CLSTN3: variants seen among roughly 807,000 people sequenced by gnomAD.
CLSTN3 encodes the protein calsyntenin-3.
CLSTN3 carries 36 observed loss-of-function variants against 95.9 expected under a neutral mutation model. The observed-to-expected ratio is 0.38, with a 90% CI of 0.29 to 0.50. The LOEUF (loss-of-function observed/expected upper bound fraction) is 0.50. Among genes scored for constraint, CLSTN3 ranks in the 20% least tolerant of loss-of-function variants. CLSTN3 has a pLI of 0.95. For missense variants in CLSTN3, 1,084 were observed against 1,268.8 expected (o/e 0.85, Z 2.21); for synonymous variants, 481 against 504.0 (o/e 0.95, Z 0.61).
At chr12:7,153,635 A>T (rs917804856) in intron 16 of CLSTN3, among the ~76,000 whole-genome samples, 4 of 152,024 alleles carry the variant, frequency 2.6e-5, no homozygotes, top group African/African-American at 7.2e-5. Context: ...CCAGCTATAA[A>T]TTTTTTTCCT....
rs756157048 is a variant in CLSTN3, at chr12:7,142,882, G to T, written c.1554G>T (p.Ser518=). 1 of 1,613,386 alleles carries T rather than the reference G, an allele frequency of 6.2e-7. No individual in the cohort carries two copies. Among genetic ancestry groups the T allele is most frequent in the Admixed American group, 1.7e-5 (1 of 59,956 alleles). ...STDTTQGDPL[S]IHHYFHGYLA... ...TTCCTACCCTAGGAGACCCTTTGTCGATCCACCACTACTTCCATGGCTACC... is the reference window on the plus strand; with the variant it reads ...TTCCTACCCTAGGAGACCCTTTGTCTATCCACCACTACTTCCATGGCTACC... The change falls in exon 11 of 18, where the codon TCG becomes TCT. Residue 518 remains serine, a synonymous_variant. Transcript: ENST00000266546.
chr12:7,136,979 G>A lies in CLSTN3; in HGVS notation c.1079G>A (p.Ser360Asn), dbSNP rs768382086. The change falls in exon 7 of 18, where the codon AGT becomes AAT. Residue 360 changes from serine (S) to asparagine (N), a missense_variant. By Grantham distance (46) the Ser-to-Asn change is conservative. Transcript: ENST00000266546. ...QAVQVPLGGP[S>N]GLGSGPQDSL... ...GTGCAGGTGCCCCTGGGTGGCCCCA[G>A]TGGGCTGGGCTCTGGGCCCCAGGAC... The A allele has an allele frequency of 6.2e-7, 1 of 1,614,076 alleles. No individual in the cohort carries two copies. The highest frequency in any genetic ancestry group is 2.2e-5 in the East Asian group (1 of 44,880).
chr12:7,139,744 G>T (rs1221523036), intron 8 of CLSTN3, among the ~76,000 whole-genome samples: 3 of 151,968 alleles, frequency 2.0e-5, no homozygotes, highest in Non-Finnish European at 4.4e-5. Flanking sequence ...GGCCTCCCGG[G>T]TTCAAGAGAT....
intron 8 of CLSTN3, among the ~76,000 whole-genome samples, chr12:7,140,830 C>T (rs1033675751): frequency 1.4e-4 from 22 of 152,124 alleles, no homozygotes; most frequent in Admixed American, 1.4e-3. Context: ...TTGCTTGAGC[C>T]GAGGGGTTTG....
rs764718194 is a variant in CLSTN3 at position 7,135,398 on chromosome 12, C to T, written c.455C>T (p.Ala152Val). 102 of 1,614,006 alleles carry T rather than the reference C, an allele frequency of 6.3e-5. No individual in the cohort carries two copies. In the Admixed American group the frequency reaches 6.7e-4, roughly 11 times the overall value. Residue 152 changes from alanine (A) to valine (V), a missense_variant, in exon 4 of 18, where the codon GCG becomes GTG. Transcript: ENST00000266546. ...GTGTTTGTGGAACGGCTGTATCGTG[C>T]GGCTGTGACAGAGGGGAAGCTGTAC... ...APVFVERLYR[A>V]AVTEGKLYDR...
intron 1 of CLSTN3, chr12:7,131,839 G>C (rs766795947): frequency 1.3e-5 from 6 of 456,450 alleles, no homozygotes; most frequent in South Asian, 9.3e-5. Context: ...GTGGTCATCA[G>C]TAAGAAAGCC....
At chr12:7,130,307 C>G (rs1451691260), upstream of CLSTN3, 3 of 912,798 alleles carry the variant, frequency 3.3e-6, no homozygotes, top group Non-Finnish European at 4.3e-6. Flanking sequence ...ACCTGGTCCC[C>G]CCCCCTCCCA....
At chr12:7,136,721 G>A (rs887573197) in intron 6 of CLSTN3, 108 bp from the exon 7 acceptor site, 36 of 1,272,252 alleles carry the variant, frequency 2.8e-5, no homozygotes, top group Admixed American at 1.2e-4. Flanking sequence ...GTGGCAAGAC[G>A]TGCTGTAGGA....
chr12:7,132,430 C>T, intron 1 of CLSTN3: 1 of 206,964 alleles, frequency 4.8e-6, no homozygotes, highest in South Asian at 8.0e-5. Context: ...TGCCCCCTCC[C>T]TCTGTCCTAT....
At chr12:7,136,088 G>T in intron 5 of CLSTN3, 118 bp from the exon 6 acceptor site, 1 of 1,496,186 alleles carries the variant, frequency 6.7e-7, no homozygotes, top group Non-Finnish European at 9.0e-7. Context: ...ATCTACTCTA[G>T]CCGGGCCATC....
Position 7,157,881 on chromosome 12 carries a change from A to G in CLSTN3, c.2731-60A>G. On this transcript the variant is annotated intron_variant, in intron 17 of 17. Transcript: ENST00000266546. This position sits in a 1 kb window ranked among gnomAD's most constrained non-coding sequence, Gnocchi z 5.9. Reference sequence around the variant, plus strand: ...GACCGAGGGAAGTGTGGTCCCTGAAAGAGAGGCTGGGATGTGTGCAGGCCA... The same window carrying G: ...GACCGAGGGAAGTGTGGTCCCTGAAGGAGAGGCTGGGATGTGTGCAGGCCA... 1.9e-6 allele frequency: 3 copies of G among 1,542,308 alleles called. No homozygotes were observed. The highest frequency in any genetic ancestry group is 2.6e-6 in the Non-Finnish European group (3 of 1,145,380).
rs1037282399 is a variant in CLSTN3, at chr12:7,133,179, A to G, written c.187+33A>G. The stretch of plus-strand genomic sequence containing the variant: ...GGATTGGGGGATGGCAAGGCAGGGT[A>G]GGACAGAGAAAAGTGGGTGGGAGGG... On this transcript the variant is annotated intron_variant, in intron 2 of 17. Coordinates refer to ENST00000266546, the MANE Select transcript of CLSTN3 (RefSeq NM_014718.4). This position sits in a 1 kb window ranked among gnomAD's most constrained non-coding sequence, Gnocchi z 4.7. 2 of 1,385,608 alleles carry G rather than the reference A, an allele frequency of 1.4e-6. No homozygotes were observed. Among genetic ancestry groups the G allele is most frequent in the Non-Finnish European group, 1.9e-6 (2 of 1,028,896 alleles). The allele number at this position is 1,385,608 out of a possible 1,614,324, so 85.8% of individuals were successfully genotyped here.
rs1490672086 is a variant in CLSTN3, at chr12:7,151,092, G to C, written c.2527+29G>C. 5 of 1,535,454 alleles carry C rather than the reference G, an allele frequency of 3.3e-6. No individual in the cohort carries two copies. The Admixed American group carries it at 1.0e-4, about 31-fold the overall frequency. On this transcript the variant is annotated intron_variant, in intron 16 of 17. Coordinates refer to ENST00000266546, the MANE Select transcript of CLSTN3 (RefSeq NM_014718.4). ...CGTAAGCCTGGTGGGGCTGGGCAGGGAGGGGCAGGTGGCAGGTGAGTGTGT... is the reference window on the plus strand; with the variant it reads ...CGTAAGCCTGGTGGGGCTGGGCAGGCAGGGGCAGGTGGCAGGTGAGTGTGT...
In CLSTN3 at chr12:7,149,268, A is replaced by G; in HGVS notation, c.2074+70A>G. The G allele has an allele frequency of 5.2e-6, 7 of 1,345,426 alleles. No individual in the cohort carries two copies. In the South Asian group the frequency reaches 8.6e-5, roughly 16 times the overall value. The allele number at this position is 1,345,426 out of a possible 1,614,324, so 83.3% of individuals were successfully genotyped here. ...GTGTCTGGAGTCAGAGTGTGGGAGAACTCCTGGGGCTGGAAGCAGAAAGCG... is the reference window on the plus strand; with the variant it reads ...GTGTCTGGAGTCAGAGTGTGGGAGAGCTCCTGGGGCTGGAAGCAGAAAGCG... On this transcript the variant is annotated intron_variant, in intron 13 of 17. Coordinates refer to ENST00000266546, the MANE Select transcript of CLSTN3 (RefSeq NM_014718.4). The surrounding 1 kb of genome is among the most constrained non-coding windows in gnomAD (Gnocchi z 4.5).
At chr12:7,146,303 G>A (rs758858187) in intron 12 of CLSTN3, among the ~76,000 whole-genome samples, 24 of 152,190 alleles carry the variant, frequency 1.6e-4, no homozygotes, top group Non-Finnish European at 2.9e-4. Context: ...AGGAGGCTGA[G>A]GTGGGAGAAT....
rs4013711 is a variant in CLSTN3, at chr12:7,145,346, GGTGTGT to G, written c.1847+2055_1847+2060del. Among the ~76,000 whole-genome samples, 63 of 148,548 alleles carry G rather than the reference GGTGTGT, an allele frequency of 4.2e-4. 1 individual carries two copies. The highest frequency in any genetic ancestry group is 9.0e-4 in the Non-Finnish European group (60 of 66,880). On this transcript the variant is annotated intron_variant, in intron 12 of 17. Coordinates refer to ENST00000266546, the MANE Select transcript of CLSTN3 (RefSeq NM_014718.4). ...GAGGTCACGGGAGAAAATATAGAGG[GGTGTGT>G]GTGTGTGTGTGTGTGTGTGCGCGCG...
intron 16 of CLSTN3, among the ~76,000 whole-genome samples, chr12:7,154,665 G>A (rs1352589244): frequency 1.3e-5 from 2 of 152,104 alleles, no homozygotes; most frequent in Admixed American, 6.5e-5. Context: ...AATGTCTAGG[G>A]GGTGGGAGCC....
rs761243186 is a variant in CLSTN3, at chr12:7,136,890, A to G, written c.990A>G (p.Ala330=). 2 of 1,613,670 alleles carry G rather than the reference A, an allele frequency of 1.2e-6. No homozygotes were observed. The highest frequency in any genetic ancestry group is 2.2e-5 in the South Asian group (2 of 91,032). The change falls in exon 7 of 18, where the codon GCA becomes GCG. Residue 330 remains alanine (A), a synonymous_variant. Transcript: ENST00000266546. ...PMPGPNANWT[A]GLSVHYSQDS... Reference sequence around the variant, plus strand: ...CTGGCCCCAATGCCAACTGGACAGCAGGACTCTCGGTGCACTACAGCCAGG... The same window carrying G: ...CTGGCCCCAATGCCAACTGGACAGCGGGACTCTCGGTGCACTACAGCCAGG...
At position 7,151,029 on chromosome 12, in the gene CLSTN3, T is replaced by C. The variant is rs1361990857; in HGVS notation, c.2493T>C (p.Ala831=). 1 of 1,611,402 alleles carries C rather than the reference T, an allele frequency of 6.2e-7. No individual in the cohort carries two copies. The highest frequency in any genetic ancestry group is 8.5e-7 in the Non-Finnish European group (1 of 1,178,642). The change falls in exon 16 of 18, where the codon GCT becomes GCC. Residue 831 remains alanine, a synonymous_variant. Transcript: ENST00000266546. ...HRGHQPPPEM[A]GHSLASSHRN... The stretch of plus-strand genomic sequence containing the variant: ...GTCACCAGCCCCCGCCTGAGATGGC[T>C]GGACACAGCCTAGCCAGCTCCCACA...
Sources: allele counts gnomAD v4.1 joint callset (sites outside exome capture counted in the v4.1 genomes callset), GRCh38; gene constraint gnomAD v4.1.1; non-coding constraint Gnocchi (gnomAD v3.1); transcripts MANE v1.5; gene names NCBI Gene and HGNC (gene_info 2026-07-23, HGNC 2026-07-21).